ZNF345: variants seen among roughly 807,000 people sequenced by gnomAD.
ZNF345 encodes zinc finger protein HZF10.
For missense variants in ZNF345, 527 were observed against 589.9 expected, an observed-to-expected ratio of 0.89 and a Z score of 1.10; for synonymous variants, 166 against 187.9, an observed-to-expected ratio of 0.88 and a Z score of 0.95.
chr19:36,866,489 A>G (rs1268752756), intron 2 of ZNF345, among the ~76,000 whole-genome samples: 1 of 152,172 alleles, frequency 6.6e-6, no homozygotes, highest in Non-Finnish European at 1.5e-5. Flanking sequence ...AATATTATAC[A>G]GCTTTGCCTG....
chr19:36,883,915 A>G (rs2072982284), downstream of ZNF345, among the ~76,000 whole-genome samples: 1 of 152,174 alleles, frequency 6.6e-6, no homozygotes, highest in Non-Finnish European at 1.5e-5. Flanking sequence ...CCCTCATTTC[A>G]GACACCAGGC....
At chr19:36,857,235 G>GT (rs1267526270) in intron 2 of ZNF345, among the ~76,000 whole-genome samples, 1 of 151,730 alleles carries the variant, frequency 6.6e-6, no homozygotes, top group Non-Finnish European at 1.5e-5. Flanking sequence ...GCTAGTGCTT[G>GT]TTTTTTTCCT....
Position 36,891,601 on chromosome 19 carries a change from C to T in ZNF345, c.47-1217C>T, listed in dbSNP as rs372663992. The T allele has an allele frequency of 6.3e-5, 100 of 1,583,892 alleles. No individual in the cohort carries two copies. In the African/African-American group the frequency reaches 1.0e-3, roughly 16 times the overall value. On this transcript the variant is annotated intron_variant, in intron 3 of 3. Transcript: ENST00000526123. ...CTCACCAGTGTGAATTCTCTGATGT[C>T]GAGTAAGATTTGAGCCTTTATTAAA...
chr19:36,862,404 T>TGTAA (rs2072567685), intron 2 of ZNF345, among the ~76,000 whole-genome samples: 1 of 151,830 alleles, frequency 6.6e-6, no homozygotes, highest in African/African-American at 2.4e-5. Context: ...GGCTCACACC[T>TGTAA]GTAATCCCAG....
chr19:36,871,625 G>GTGTT (rs1025053260), intron 2 of ZNF345, among the ~76,000 whole-genome samples: 1 of 151,870 alleles, frequency 6.6e-6, no homozygotes, highest in East Asian at 1.9e-4. Context: ...AGCTGCTATT[G>GTGTT]TGTTTGTTTG....
chr19:36,868,801 CTT>C (rs1833812726), intron 2 of ZNF345, among the ~76,000 whole-genome samples: 1 of 151,640 alleles, frequency 6.6e-6, no homozygotes, highest in Non-Finnish European at 1.5e-5. Flanking sequence ...AATTTTTTTA[CTT>C]TTAGTAGAGA....
intron 2 of ZNF345, among the ~76,000 whole-genome samples, chr19:36,857,842 G>A (rs755178298): frequency 6.6e-6 from 1 of 151,550 alleles, no homozygotes; most frequent in Non-Finnish European, 1.5e-5. Context: ...GCAATGGCAC[G>A]ATCTTGGCTC....
chr19:36,877,199 TG>T lies in ZNF345; in HGVS notation c.372del (p.Lys125ArgfsTer81). The T allele has an allele frequency of 6.2e-7, 1 of 1,614,040 alleles. No individual in the cohort carries two copies. Among genetic ancestry groups the T allele is most frequent in the Non-Finnish European group, 8.5e-7 (1 of 1,179,962 alleles). ...AGAAGCCTTTTGAATGTAAAGAATG[TG>T]GGAAGGCCTTTGGTAGTGGCTCAAA... ...GEKPFECKECGKAFGSGSNLT... is the reference protein window; with the variant it reads ...GEKPFECKECXKAFGSGSNLT... On this transcript the variant is annotated frameshift_variant, in exon 3 of 3. Transcript: ENST00000420450. LOFTEE classifies it low-confidence loss of function (END_TRUNC).
chr19:36,888,557 C>G (rs1349496893), intron 3 of ZNF345: 1 of 152,052 alleles, frequency 6.6e-6, no homozygotes, highest in Admixed American at 6.6e-5. Context: ...TCTTAATTTG[C>G]CTTTTATTGT....
chr19:36,855,197 C>T (rs2072384196), intron 2 of ZNF345, among the ~76,000 whole-genome samples: 1 of 142,600 alleles, frequency 7.0e-6, no homozygotes, highest in African/African-American at 2.7e-5. Context: ...GGTTGGAGTG[C>T]AGTGGCGCCA....
At chr19:36,889,498 A>G (rs1253648449) in intron 3 of ZNF345, 2 of 151,914 alleles carry the variant, frequency 1.3e-5, no homozygotes, top group African/African-American at 2.4e-5. Context: ...GAGGATTCCT[A>G]TTTCTCCCTG....
intron 2 of ZNF345, among the ~76,000 whole-genome samples, chr19:36,869,685 G>A (rs1004698696): frequency 2.6e-5 from 4 of 152,024 alleles, no homozygotes; most frequent in African/African-American, 9.7e-5. Context: ...TTATTACACA[G>A]GGCATAAACA....
rs139643208 is a variant in ZNF345, at chr19:36,877,567, C to G, written c.737C>G (p.Thr246Ser). The change falls in exon 3 of 3, where the codon ACT becomes AGT. Residue 246 changes from threonine to serine, a missense_variant. Transcript: ENST00000420450. ...GMAFSSGSAL[T>S]RHQRIHTGEK... The stretch of plus-strand genomic sequence containing the variant: ...GCCTTTAGCAGTGGTTCGGCTCTTA[C>G]TCGGCATCAGAGAATTCATACCGGT... The G allele has an allele frequency of 5.0e-6, 8 of 1,613,840 alleles. No individual in the cohort carries two copies. Among genetic ancestry groups the G allele is most frequent in the Non-Finnish European group, 5.9e-6 (7 of 1,180,008 alleles).
chr19:36,862,420 T>C (rs912955068), intron 2 of ZNF345, among the ~76,000 whole-genome samples: 2 of 151,556 alleles, frequency 1.3e-5, no homozygotes, highest in Non-Finnish European at 1.5e-5. Flanking sequence ...CCCAGCACTT[T>C]GGGAGGCTGA....
At chr19:36,852,160 C>T (rs1250089371) in intron 2 of ZNF345, among the ~76,000 whole-genome samples, 1 of 114,704 alleles carries the variant, frequency 8.7e-6, no homozygotes, top group Non-Finnish European at 1.7e-5. Flanking sequence ...GACAGAATTA[C>T]AGGCGTGAGC....
At chr19:36,867,415 T>C (rs1185220761) in intron 2 of ZNF345, among the ~76,000 whole-genome samples, 1 of 152,252 alleles carries the variant, frequency 6.6e-6, no homozygotes. Context: ...ATTTGCTGTA[T>C]TCACAATATT....
At chr19:36,889,137 A>T (rs1394155126) in intron 3 of ZNF345, 1 of 152,162 alleles carries the variant, frequency 6.6e-6, no homozygotes, top group Non-Finnish European at 1.5e-5. Flanking sequence ...ACACCCCAGG[A>T]ATAAAATCCA....
chr19:36,866,633 T>C (rs1439522866), intron 2 of ZNF345, among the ~76,000 whole-genome samples: 4 of 152,160 alleles, frequency 2.6e-5, no homozygotes, highest in Non-Finnish European at 4.4e-5. Flanking sequence ...CACTGCAACC[T>C]CCACCTCCCG....
intron 3 of ZNF345, among the ~76,000 whole-genome samples, chr19:36,886,691 C>T (rs1210457352): frequency 1.3e-5 from 2 of 150,624 alleles, no homozygotes; most frequent in Admixed American, 6.6e-5. Context: ...ACTAAAAATA[C>T]AAAAATTAGC....
Sources: allele counts gnomAD v4.1 joint callset (sites outside exome capture counted in the v4.1 genomes callset), GRCh38; gene constraint gnomAD v4.1.1; transcripts MANE v1.5; gene names NCBI Gene and HGNC (gene_info 2026-07-23, HGNC 2026-07-21).